The following C3orf33 variants were observed in gnomAD, a reference collection of about 807,000 sequenced individuals.
The protein encoded by C3orf33 is mitochondrial inner membrane subdomain organizer 1.
Under a neutral mutation model 28.7 loss-of-function variants are expected in C3orf33, and 23 were observed. That is an observed-to-expected ratio of 0.80 (90% CI 0.58 to 1.13). The LOEUF is 1.13. C3orf33 is among the 50% of genes most tolerant of loss of function. The probability of loss-of-function intolerance (pLI) is 0.00; values close to 1 mark genes in which losing one functional copy is unlikely to be tolerated. For synonymous variants in C3orf33, 119 were observed against 120.5 expected, an observed-to-expected ratio of 0.99 and a Z score of 0.08; for missense variants, 327 against 353.4, an observed-to-expected ratio of 0.93 and a Z score of 0.60.
At position 155,803,850 on chromosome 3, in the gene C3orf33, C is replaced by A. The variant is rs182635643; in HGVS notation, c.115-1259G>T. On this transcript the variant is annotated intron_variant, in intron 1 of 4. Transcript: ENST00000340171. ...TGAGCCGAGATTGTGCCACTGCACT[C>A]CAGCCTGGGCGACAGAGTGAGACTC... Among the ~76,000 whole-genome samples the A allele has an allele frequency of 2.1e-4, 32 of 152,090 alleles. No homozygotes were observed. The East Asian group carries it at 6.2e-3, about 29-fold the overall frequency.
At chr3:155,775,381 C>T (rs1750707751) in intron 3 of C3orf33, among the ~76,000 whole-genome samples, 1 of 151,596 alleles carries the variant, frequency 6.6e-6, no homozygotes, top group Admixed American at 6.6e-5. Context: ...CCTAGCTACT[C>T]AGGAGGCTGA....
At chr3:155,793,221 A>AC (rs1751366989) in intron 2 of C3orf33, among the ~76,000 whole-genome samples, 2 of 151,728 alleles carry the variant, frequency 1.3e-5, no homozygotes, top group South Asian at 2.1e-4. Flanking sequence ...AAAAAAAAAA[A>AC]AACCTGTAAT....
chr3:155,774,044 C>T (rs1429367886), intron 3 of C3orf33, among the ~76,000 whole-genome samples: 3 of 152,050 alleles, frequency 2.0e-5, no homozygotes, highest in African/African-American at 4.8e-5. Context: ...TCGTTCAACT[C>T]GGGATTTTAA....
chr3:155,770,962 C>CTGTGTG (rs3068982), intron 3 of C3orf33, among the ~76,000 whole-genome samples: 5,580 of 129,924 alleles, frequency 0.043, 360 homozygotes, highest in African/African-American at 0.058. Context: ...GCATGAACCA[C>CTGTGTG]TGTGTGTGTG....
rs577280608 is a variant in C3orf33, at chr3:155,782,820, A to G, written c.175-6972T>C. On this transcript the variant is annotated intron_variant, in intron 2 of 4. Transcript: ENST00000340171. Reference sequence around the variant, plus strand: ...CATATGAAGAGATAAAGATCTTGGTAAAAGTAAATACATGAGCAATTATAA... The same window carrying G: ...CATATGAAGAGATAAAGATCTTGGTGAAAGTAAATACATGAGCAATTATAA... Among the ~76,000 whole-genome samples, 10 of 152,350 alleles carry G rather than the reference A, an allele frequency of 6.6e-5. No homozygotes were observed. The East Asian group carries it at 1.9e-3, about 29-fold the overall frequency.
chr3:155,788,388 G>GA (rs924137615), intron 2 of C3orf33, among the ~76,000 whole-genome samples: 117 of 151,364 alleles, frequency 7.7e-4, no homozygotes, highest in African/African-American at 2.7e-3. Flanking sequence ...GGTCACATAT[G>GA]AAAAAACCAT....
At chr3:155,788,068 G>C (rs932871406) in intron 2 of C3orf33, among the ~76,000 whole-genome samples, 1 of 151,922 alleles carries the variant, frequency 6.6e-6, no homozygotes, top group African/African-American at 2.4e-5. Context: ...GCGGGCGCCT[G>C]TAGTCCCAGC....
chr3:155,766,089 T>C (rs1577409142), intron 4 of C3orf33, among the ~76,000 whole-genome samples: 2 of 152,330 alleles, frequency 1.3e-5, no homozygotes, highest in Non-Finnish European at 2.9e-5. Context: ...AGTACATTGG[T>C]GCGATCATAG....
Position 155,762,728 on chromosome 3 carries a change from G to C in C3orf33, c.*789C>G, listed in dbSNP as rs1750272753. On this transcript the variant is annotated 3_prime_UTR_variant, in exon 5 of 5. Transcript: ENST00000340171. ...AATATGGCAATACAAAACTTAGCCA[G>C]GCTTGGTGGGAGCTCCTGTAATCCC... is the stretch of plus-strand genomic sequence containing the variant. 1 of 152,174 alleles carries C rather than the reference G, an allele frequency of 6.6e-6. No individual in the cohort carries two copies. The highest frequency in any genetic ancestry group is 2.1e-4 in the South Asian group (1 of 4,830). The allele number at this position is 152,174 out of a possible 1,614,324, so 9.4% of individuals were successfully genotyped here.
chr3:155,779,574 C>T (rs1258980740), intron 2 of C3orf33, among the ~76,000 whole-genome samples: 3 of 152,084 alleles, frequency 2.0e-5, no homozygotes, highest in Non-Finnish European at 4.4e-5. Context: ...GGATTACAGG[C>T]GTGAGCCACC....
intron 2 of C3orf33, among the ~76,000 whole-genome samples, chr3:155,783,232 G>A (rs1467294162): frequency 6.6e-6 from 1 of 150,686 alleles, no homozygotes; most frequent in African/African-American, 2.5e-5. Flanking sequence ...TCGGCTCACT[G>A]CAACCTCCGT....
intron 2 of C3orf33, among the ~76,000 whole-genome samples, chr3:155,793,535 C>T (rs894629679): frequency 7.2e-5 from 11 of 151,874 alleles, no homozygotes; most frequent in African/African-American, 2.7e-4. Context: ...AAAGGCCAGG[C>T]GCAGTGACTC....
intron 1 of C3orf33, among the ~76,000 whole-genome samples, chr3:155,805,158 T>TAAA (rs57906262): frequency 0.086 from 12,159 of 140,628 alleles, 693 homozygotes; most frequent in Non-Finnish European, 0.13. Context: ...GTGCTTCACT[T>TAAA]AAAAAAAAAA....
Position 155,781,496 on chromosome 3 carries a change from G to A in C3orf33, c.175-5648C>T, listed in dbSNP as rs183475519. Among the ~76,000 whole-genome samples, 20 of 152,156 alleles carry A rather than the reference G, an allele frequency of 1.3e-4. No individual in the cohort carries two copies. The East Asian group carries it at 2.9e-3, about 22-fold the overall frequency. ...TAAAAATAGTGGGCCAGGGCTGGGC[G>A]CAGTGGCTCACACCTGTAATCCCAG... On this transcript the variant is annotated intron_variant, in intron 2 of 4. Coordinates refer to ENST00000340171, the MANE Select transcript of C3orf33 (RefSeq NM_001308229.2).
chr3:155,771,960 T>C (rs951023371), intron 3 of C3orf33, among the ~76,000 whole-genome samples: 1 of 151,982 alleles, frequency 6.6e-6, no homozygotes, highest in Non-Finnish European at 1.5e-5. Flanking sequence ...TCCCAGCACT[T>C]TGGAAGGTAG....
chr3:155,792,140 CTACTT>C (rs1254524748), intron 2 of C3orf33, among the ~76,000 whole-genome samples: 8 of 152,178 alleles, frequency 5.3e-5, no homozygotes, highest in Admixed American at 3.3e-4. Context: ...CAGAGAGACT[CTACTT>C]TTCTGGGAGA....
At chr3:155,800,358 C>T (rs1751604373) in intron 2 of C3orf33, among the ~76,000 whole-genome samples, 1 of 151,984 alleles carries the variant, frequency 6.6e-6, no homozygotes, top group African/African-American at 2.4e-5. Context: ...AATCCCAGCA[C>T]TCTGGGAGGC....
At chr3:155,793,834 A>AAAAAAAAAAAAAC (rs778070795) in intron 2 of C3orf33, among the ~76,000 whole-genome samples, 10 of 146,592 alleles carry the variant, frequency 6.8e-5, no homozygotes, top group South Asian at 4.4e-4. Flanking sequence ...AAAACTAAAA[A>AAAAAAAAAAAAAC]AACTAAAAAA....
chr3:155,806,095 C>T, intron 1 of C3orf33, 44 bp downstream of exon 1: 3 of 1,312,572 alleles, frequency 2.3e-6, no homozygotes, highest in East Asian at 5.8e-5. Context: ...TCGCTCTGTG[C>T]CGCCCCGCGC....
Sources: allele counts gnomAD v4.1 joint callset (sites outside exome capture counted in the v4.1 genomes callset), GRCh38; gene constraint gnomAD v4.1.1; transcripts MANE v1.5; gene names NCBI Gene and HGNC (gene_info 2026-07-23, HGNC 2026-07-21).